Variants in DCTN4 observed in about 807,000 individuals in gnomAD.
DCTN4 encodes dynactin 4 (p62).
In DCTN4, 23 loss-of-function variants were observed where a neutral mutation model predicts 62.7. That is an observed-to-expected ratio of 0.37 (90% confidence interval 0.26 to 0.52). The LOEUF is 0.52. Ranked by LOEUF, DCTN4 falls within the 20% of genes least tolerant of loss-of-function variation. The probability of loss-of-function intolerance (pLI) is 0.92; values close to 1 mark genes in which losing one functional copy is unlikely to be tolerated. For missense variants in DCTN4, 514 were observed against 580.4 expected, an observed-to-expected ratio of 0.89 and a Z score of 1.18; for synonymous variants, 199 against 202.1, an observed-to-expected ratio of 0.98 and a Z score of 0.13.
chr5:150,711,338 G>A lies in DCTN4; in HGVS notation c.1194C>T (p.Asn398=). 1 of 1,613,060 alleles carries A rather than the reference G, an allele frequency of 6.2e-7. No individual in the cohort carries two copies. Among genetic ancestry groups the A allele is most frequent in the Non-Finnish European group, 8.5e-7 (1 of 1,179,994 alleles). The change falls in exon 13 of 13, where the codon AAC becomes AAT. Residue 398 remains asparagine (N), a synonymous_variant. Coordinates refer to ENST00000447998, the MANE Select transcript of DCTN4 (RefSeq NM_016221.4). Reference sequence around the variant, plus strand: ...TAACTTTGATGAAAATACCCACTTTGTTGGCCTTTCTGAAGGCTATAATGC... The same window carrying A: ...TAACTTTGATGAAAATACCCACTTTATTGGCCTTTCTGAAGGCTATAATGC... ...DPDIIAFRKA[N]KVGIFIKVTP...
chr5:150,751,159 G>T (rs184455503), intron 3 of DCTN4, among the ~76,000 whole-genome samples: 138 of 152,198 alleles, frequency 9.1e-4, no homozygotes, highest in Non-Finnish European at 1.6e-3. Flanking sequence ...TAATCTCATT[G>T]TAAGTTTTTC....
chr5:150,718,272 C>T lies in DCTN4; in HGVS notation c.1071+4G>A, dbSNP rs1759838453. 1 of 1,607,566 alleles carries T rather than the reference C, an allele frequency of 6.2e-7. No individual in the cohort carries two copies. The highest frequency in any genetic ancestry group is 8.5e-7 in the Non-Finnish European group (1 of 1,175,174). On this transcript the variant is annotated splice_donor_region_variant and intron_variant, in intron 11 of 12. Coordinates refer to ENST00000447998, the MANE Select transcript of DCTN4 (RefSeq NM_016221.4). ...TCAGTCAGGCTGAGGCAAAATGCTC[C>T]TACCTTAGCAGTGCTGTTGATATCA...
chr5:150,736,265 G>A (rs1760578814), intron 4 of DCTN4: 1 of 152,142 alleles, frequency 6.6e-6, no homozygotes. Context: ...AAGAACACCT[G>A]AGAAATTCAT....
At position 150,729,042 on chromosome 5, in the gene DCTN4, C is replaced by CTTTTTTTTTTTTTTTTTT. The variant is rs61106544; in HGVS notation, c.834+1571_834+1588dup. Among the ~76,000 whole-genome samples the CTTTTTTTTTTTTTTTTTT allele has an allele frequency of 1.3e-4, 7 of 52,140 alleles. 2 individuals are homozygous for CTTTTTTTTTTTTTTTTTT. Among genetic ancestry groups the CTTTTTTTTTTTTTTTTTT allele is most frequent in the African/African-American group, 4.6e-4 (6 of 13,124 alleles). 34.2% of individuals were successfully genotyped at this position (52,140 alleles called of 152,430 possible). ...ACAAGTGTGTGAACCACCACACTGG[C>CTTTTTTTTTTTTTTTTTT]TTTTTTTTTTTTTTTTTTTTTTTTT... On this transcript the variant is annotated intron_variant, in intron 8 of 12. Transcript: ENST00000447998.
chr5:150,715,683 G>A (rs1016353443), intron 11 of DCTN4, 21 bp from the exon 12 acceptor site: 10 of 1,602,658 alleles, frequency 6.2e-6, no homozygotes, highest in African/African-American at 1.3e-5. Flanking sequence ...ACACAGAGAG[G>A]CCTGCCTGAG....
intron 12 of DCTN4, among the ~76,000 whole-genome samples, chr5:150,712,160 C>T (rs148434967): frequency 8.7e-4 from 132 of 152,234 alleles, no homozygotes; most frequent in African/African-American, 2.8e-3. Context: ...GATGGAGTCT[C>T]GCTCTGTCAC....
At chr5:150,750,280 A>G (rs1037997351) in intron 3 of DCTN4, among the ~76,000 whole-genome samples, 3 of 152,318 alleles carry the variant, frequency 2.0e-5, no homozygotes, top group Admixed American at 2.0e-4. Context: ...ATAATGAGAT[A>G]CCATTTCACA....
intron 3 of DCTN4, among the ~76,000 whole-genome samples, chr5:150,751,150 AATCTCATTGT>A (rs1752659545): frequency 6.6e-6 from 1 of 152,188 alleles, no homozygotes; most frequent in African/African-American, 2.4e-5. Context: ...GAGACATAAT[AATCTCATTGT>A]AAGTTTTTCT....
intron 8 of DCTN4, among the ~76,000 whole-genome samples, chr5:150,723,791 T>C (rs1222081235): frequency 6.6e-6 from 1 of 152,242 alleles, no homozygotes; most frequent in Non-Finnish European, 1.5e-5. Context: ...AGTACAAGCA[T>C]ACATCACCTT....
chr5:150,739,181 A>C (rs79643715), intron 4 of DCTN4, among the ~76,000 whole-genome samples: 1 of 134,586 alleles, frequency 7.4e-6, no homozygotes, highest in South Asian at 2.3e-4. Context: ...ATTTCATCTC[A>C]AAAAAAAAAA....
At chr5:150,722,324 G>C (rs989583345) in intron 9 of DCTN4, among the ~76,000 whole-genome samples, 5 of 152,164 alleles carry the variant, frequency 3.3e-5, no homozygotes, top group Non-Finnish European at 5.9e-5. Flanking sequence ...AGTATGATGA[G>C]ATATGAAAAG....
chr5:150,740,813 AT>A (rs1760740806), intron 4 of DCTN4, among the ~76,000 whole-genome samples: 1 of 152,204 alleles, frequency 6.6e-6, no homozygotes, highest in South Asian at 2.1e-4. Flanking sequence ...AAAACCAAAC[AT>A]CATACATTCT....
rs1167267285 is a variant in DCTN4, at chr5:150,727,762, C to T, written c.834+2869G>A. ...CTGCACTCCAGCCTGGGCGACAGAG[C>T]GAGACTCCGTCTCAAAAAAAAAAAA... On this transcript the variant is annotated intron_variant, in intron 8 of 12. Coordinates refer to ENST00000447998, the MANE Select transcript of DCTN4 (RefSeq NM_016221.4). Among the ~76,000 whole-genome samples the T allele has an allele frequency of 7.9e-3, 854 of 108,090 alleles. 8 individuals carry two copies. The highest frequency in any genetic ancestry group is 0.031 in the African/African-American group (809 of 26,346). The allele number at this position is 108,090 out of a possible 152,430, so 70.9% of individuals were successfully genotyped here. A position where few individuals can be genotyped will look rare whatever the true frequency, so the allele number is the denominator to read the frequency against.
At chr5:150,712,565 TTA>T (rs1274551938) in intron 12 of DCTN4, among the ~76,000 whole-genome samples, 1 of 152,254 alleles carries the variant, frequency 6.6e-6, no homozygotes, top group African/African-American at 2.4e-5. Flanking sequence ...AGTGCTGGGA[TTA>T]TAGGCATGAG....
In DCTN4 at chr5:150,723,037, C is replaced by T. The variant is rs552092503; in HGVS notation, c.835-57G>A. On this transcript the variant is annotated intron_variant, in intron 8 of 12. Transcript: ENST00000447998. ...AAGACAACAACACACTTTGTTGATCCATAGAGCTGCTAAATTCAGAAGGAC... is the reference window on the plus strand; with the variant it reads ...AAGACAACAACACACTTTGTTGATCTATAGAGCTGCTAAATTCAGAAGGAC... 7.2e-6 allele frequency: 9 copies of T among 1,250,304 alleles called. No homozygotes were observed. The South Asian group carries it at 1.2e-4, about 16-fold the overall frequency. The allele number at this position is 1,250,304 out of a possible 1,614,324, so 77.5% of individuals were successfully genotyped here.
At chr5:150,757,727 C>T (rs1288436103) in intron 1 of DCTN4, among the ~76,000 whole-genome samples, 2 of 152,114 alleles carry the variant, frequency 1.3e-5, no homozygotes, top group Non-Finnish European at 2.9e-5. Context: ...CTTTTCTTGA[C>T]TATTCCTATT....
intron 4 of DCTN4, among the ~76,000 whole-genome samples, chr5:150,736,600 C>A (rs1760591132): frequency 6.6e-6 from 1 of 152,100 alleles, no homozygotes; most frequent in Non-Finnish European, 1.5e-5. Context: ...ACAAGAGGTG[C>A]TCAAAGGAGT....
At chr5:150,724,912 C>T (rs973925550) in intron 8 of DCTN4, among the ~76,000 whole-genome samples, 3 of 152,110 alleles carry the variant, frequency 2.0e-5, no homozygotes, top group African/African-American at 7.2e-5. Flanking sequence ...AATCCCAGCA[C>T]TTTGGGAGGC....
rs1170408580 is a variant in DCTN4 at position 150,730,662 on chromosome 5, T to C, written c.803A>G (p.His268Arg). The C allele has an allele frequency of 1.9e-6, 3 of 1,613,982 alleles. No homozygotes were observed. The highest frequency in any genetic ancestry group is 1.6e-4 in the Middle Eastern group (1 of 6,062). ...CASQLYPRHK[H>R]LLIKRSLRCR... ...GCGCAGGGACCGTTTGATCAGAAGA[T>C]GTTTGTGGCGAGGATAGAGCTGTGA... Residue 268 changes from histidine (H) to arginine (R), a missense_variant, in exon 8 of 13, where the codon CAT (histidine) becomes CGT (arginine). His to Arg is a conservative substitution (Grantham distance 29). Transcript: ENST00000447998.
Sources: gnomAD v4.1 joint callset for allele counts (sites outside exome capture counted in the v4.1 genomes callset) on GRCh38, gnomAD v4.1.1 for gene constraint, MANE v1.5 for transcripts, NCBI Gene and HGNC (gene_info 2026-07-23, HGNC 2026-07-21) for gene names.